The following RABEP1 variants were observed in gnomAD, a reference collection of about 807,000 sequenced individuals.
The protein encoded by RABEP1 is rabaptin, RAB GTPase binding effector protein 1, also known as rab GTPase-binding effector protein 1.
In RABEP1, 51 loss-of-function variants were observed where a neutral mutation model predicts 123.4. The ratio of observed to expected loss-of-function variants is 0.41; its 90% CI spans 0.33 to 0.52. The LOEUF (loss-of-function observed/expected upper bound fraction) is 0.52. RABEP1 is among the 20% of genes least tolerant of loss of function. RABEP1 has a pLI of 0.16. For synonymous variants in RABEP1, 347 were observed against 355.2 expected, an observed-to-expected ratio of 0.98 and a Z score of 0.26; for missense variants, 888 against 996.3, an observed-to-expected ratio of 0.89 and a Z score of 1.46.
At chr17:5,340,236 GAGCTCAGCATTTAGT>G (rs1400457558) in intron 5 of RABEP1, among the ~76,000 whole-genome samples, 1 of 152,164 alleles carries the variant, frequency 6.6e-6, no homozygotes, top group East Asian at 1.9e-4. Context: ...TAATAGTTAA[GAGCTCAGCATTTAGT>G]AGCCTGGGTT....
At position 5,383,593 on chromosome 17, in the gene RABEP1, A is replaced by G; in HGVS notation, c.*370A>G. Reference sequence around the variant, plus strand: ...AGTGTTTGGAATTTTCTGTTCATAGATATTGGAAGAGAGAATTTGCTTTAT... The same window carrying G: ...AGTGTTTGGAATTTTCTGTTCATAGGTATTGGAAGAGAGAATTTGCTTTAT... On this transcript the variant is annotated 3_prime_UTR_variant, in exon 18 of 18. Transcript: ENST00000537505. The G allele has an allele frequency of 7.2e-6, 2 of 277,338 alleles. No homozygotes were observed. The highest frequency in any genetic ancestry group is 1.8e-4 in the South Asian group (2 of 10,894). The allele number at this position is 277,338 out of a possible 1,614,324, so 17.2% of individuals were successfully genotyped here.
In RABEP1 at chr17:5,383,285, T is replaced by G; in HGVS notation, c.*62T>G. 1 of 1,265,476 alleles carries G rather than the reference T, an allele frequency of 7.9e-7. No individual in the cohort carries two copies. The highest frequency in any genetic ancestry group is 1.8e-5 in the Admixed American group (1 of 56,844). 78.4% of individuals were successfully genotyped at this position (1,265,476 alleles called of 1,614,324 possible). A position where few individuals can be genotyped will look rare whatever the true frequency, so the allele number is the denominator to read the frequency against. ...TTTTAACTCATCTTTAGAGCAACAG[T>G]AATTATTATTTAACTCTTAACTGAA... is the stretch of plus-strand genomic sequence containing the variant. On this transcript the variant is annotated 3_prime_UTR_variant, in exon 18 of 18. Coordinates refer to ENST00000537505, the MANE Select transcript of RABEP1 (RefSeq NM_004703.6).
chr17:5,302,667 A>G (rs1324744660), intron 1 of RABEP1, among the ~76,000 whole-genome samples: 1 of 145,944 alleles, frequency 6.9e-6, no homozygotes, highest in East Asian at 2.0e-4. Flanking sequence ...GGCGCAAGCG[A>G]CAGGCACACA....
At chr17:5,332,639 G>A (rs1407721688) in intron 3 of RABEP1, among the ~76,000 whole-genome samples, 2 of 112,872 alleles carry the variant, frequency 1.8e-5, no homozygotes, top group African/African-American at 3.5e-5. Flanking sequence ...TCGCTCTGTT[G>A]TCCAGCTTGG....
intron 1 of RABEP1, among the ~76,000 whole-genome samples, chr17:5,296,226 GT>G (rs2075082176): frequency 6.6e-6 from 1 of 152,128 alleles, no homozygotes; most frequent in Non-Finnish European, 1.5e-5. Flanking sequence ...AGATTGGCTT[GT>G]AGTTTTCCAT....
intron 11 of RABEP1, among the ~76,000 whole-genome samples, chr17:5,368,003 C>T (rs1039636429): frequency 1.1e-4 from 17 of 151,698 alleles, no homozygotes; most frequent in South Asian, 4.2e-4. Context: ...GTGATCTGCC[C>T]GCCTCAGCCT....
At chr17:5,367,410 T>C (rs1020413057) in intron 11 of RABEP1, among the ~76,000 whole-genome samples, 8 of 150,660 alleles carry the variant, frequency 5.3e-5, no homozygotes, top group South Asian at 2.1e-4. Context: ...TAGCTGGGAC[T>C]ACAGGCACCC....
intron 1 of RABEP1, among the ~76,000 whole-genome samples, chr17:5,293,729 A>G (rs534760332): frequency 6.6e-6 from 1 of 152,338 alleles, no homozygotes; most frequent in African/African-American, 2.4e-5. Flanking sequence ...TTTGTTATAA[A>G]GAAATCTAAA....
chr17:5,309,804 C>G (rs2075218100), intron 2 of RABEP1, among the ~76,000 whole-genome samples: 1 of 152,094 alleles, frequency 6.6e-6, no homozygotes, highest in Admixed American at 6.6e-5. Flanking sequence ...CTCTCTAGAC[C>G]AGTGATTCTC....
At chr17:5,300,585 G>A (rs2075127611) in intron 1 of RABEP1, among the ~76,000 whole-genome samples, 1 of 152,094 alleles carries the variant, frequency 6.6e-6, no homozygotes, top group Non-Finnish European at 1.5e-5. Context: ...CCCCATCCCC[G>A]TATGATGTTA....
At chr17:5,355,422 A>C (rs1309438842) in intron 8 of RABEP1, among the ~76,000 whole-genome samples, 1 of 152,150 alleles carries the variant, frequency 6.6e-6, no homozygotes, top group African/African-American at 2.4e-5. Flanking sequence ...ATAAAAACTA[A>C]GATCCCCCAA....
In RABEP1 at chr17:5,361,113, A is replaced by G. The variant is rs1597384323; in HGVS notation, c.1096-95A>G. On this transcript the variant is annotated intron_variant, in intron 8 of 17. Transcript: ENST00000537505. ...TGAAGGTAGCACATTAATGATTATC[A>G]TGTGTAATGAGTGGCGGAATACATT... 3.8e-6 allele frequency: 4 copies of G among 1,039,878 alleles called. No homozygotes were observed. The East Asian group carries it at 7.3e-5, about 19-fold the overall frequency. 64.4% of individuals were successfully genotyped at this position (1,039,878 alleles called of 1,614,324 possible). A position where few individuals can be genotyped will look rare whatever the true frequency, so the allele number is the denominator to read the frequency against.
At chr17:5,363,059 C>A in intron 10 of RABEP1, 43 bp downstream of exon 10, 1 of 1,444,680 alleles carries the variant, frequency 6.9e-7, no homozygotes, top group Non-Finnish European at 9.7e-7. Context: ...TTGTCGTTTT[C>A]ATTGGAGGTG....
chr17:5,358,132 G>A (rs1909187511), intron 8 of RABEP1, among the ~76,000 whole-genome samples: 1 of 152,106 alleles, frequency 6.6e-6, no homozygotes, highest in Admixed American at 6.6e-5. Context: ...CTAGAAATTA[G>A]CTAGTCCTGG....
intron 1 of RABEP1, among the ~76,000 whole-genome samples, chr17:5,295,753 A>G (rs1052915634): frequency 2.0e-5 from 3 of 152,226 alleles, no homozygotes; most frequent in African/African-American, 7.2e-5. Context: ...GTTCACAAGT[A>G]GAGCATTCTA....
At chr17:5,351,858 C>T (rs372615739) in intron 7 of RABEP1, among the ~76,000 whole-genome samples, 6 of 152,074 alleles carry the variant, frequency 3.9e-5, no homozygotes, top group South Asian at 4.2e-4. Context: ...TTCATATCGA[C>T]GTTGTATTTT....
chr17:5,350,295 G>A (rs1310563472), intron 6 of RABEP1, among the ~76,000 whole-genome samples, 156 bp from the exon 7 acceptor site: 1 of 152,072 alleles, frequency 6.6e-6, no homozygotes, highest in Non-Finnish European at 1.5e-5. Context: ...CAGGAGAATG[G>A]CGTGAACCCG....
chr17:5,323,859 A>AATATAT (rs545478394), intron 2 of RABEP1, among the ~76,000 whole-genome samples: 1 of 128,146 alleles, frequency 7.8e-6, no homozygotes, highest in African/African-American at 3.2e-5. Flanking sequence ...TATATCTAGG[A>AATATAT]ATATATATAT....
intron 1 of RABEP1, among the ~76,000 whole-genome samples, chr17:5,298,354 A>G (rs1424840277): frequency 2.0e-5 from 3 of 152,220 alleles, no homozygotes; most frequent in East Asian, 1.9e-4. Flanking sequence ...ATAATTAAAT[A>G]TGGTTCTAAG....
Sources: allele counts gnomAD v4.1 joint callset (sites outside exome capture counted in the v4.1 genomes callset), GRCh38; gene constraint gnomAD v4.1.1; transcripts MANE v1.5; gene names NCBI Gene and HGNC (gene_info 2026-07-23, HGNC 2026-07-21).